IL33: variants seen among roughly 807,000 people sequenced by gnomAD.
IL33 encodes interleukin 33, also known as interleukin-33.
A neutral mutation model predicts 27.3 loss-of-function variants in IL33; 37 were observed. The ratio of observed to expected loss-of-function variants is 1.36; its 90% CI spans 1.04 to 1.78. The LOEUF (loss-of-function observed/expected upper bound fraction) is 1.78. Ranked by LOEUF, IL33 falls within the 40% of genes most tolerant of loss-of-function variation. The probability of loss-of-function intolerance (pLI) is 0.00; values close to 1 mark genes in which losing one functional copy is unlikely to be tolerated. For missense variants in IL33, 406 were observed against 311.4 expected (o/e 1.30, Z -2.29); for synonymous variants, 132 against 102.9 (o/e 1.28, Z -1.71).
At chr9:6,215,316 G>A (rs373368517), upstream of IL33, among the ~76,000 whole-genome samples, 1 of 152,194 alleles carries the variant, frequency 6.6e-6, no homozygotes, top group East Asian at 1.9e-4. Flanking sequence ...ACAGTGGGGA[G>A]CAGGAAAGCC....
chr9:6,237,576 T>C (rs1260010190), intron 1 of IL33, among the ~76,000 whole-genome samples: 1 of 152,176 alleles, frequency 6.6e-6, no homozygotes, highest in Non-Finnish European at 1.5e-5. Context: ...AGAAAAAGGT[T>C]ATGAGATCAA....
intron 5 of IL33, 63 bp downstream of exon 5, chr9:6,253,054 A>T: frequency 9.0e-7 from 1 of 1,115,288 alleles, no homozygotes; most frequent in Non-Finnish European, 1.3e-6. Context: ...ACATTTTAAT[A>T]AATCTACCAA....
chr9:6,219,920 C>T (rs1211754608), intron 1 of IL33, among the ~76,000 whole-genome samples: 1 of 152,050 alleles, frequency 6.6e-6, no homozygotes, highest in Non-Finnish European at 1.5e-5. Flanking sequence ...GGGTCAGGTC[C>T]CATTAAGAAA....
At chr9:6,238,805 A>G (rs1819372712) in intron 1 of IL33, among the ~76,000 whole-genome samples, 1 of 152,220 alleles carries the variant, frequency 6.6e-6, no homozygotes, top group Non-Finnish European at 1.5e-5. Flanking sequence ...AGACTGGAGA[A>G]GAAGTCCTGC....
intron 1 of IL33, among the ~76,000 whole-genome samples, chr9:6,232,771 C>A (rs1175526568): frequency 6.6e-6 from 1 of 152,154 alleles, no homozygotes; most frequent in Non-Finnish European, 1.5e-5. Flanking sequence ...GCTGCTGTCA[C>A]CCTTGGTGAT....
At chr9:6,255,809 C>T (rs1816691688) in intron 7 of IL33, among the ~76,000 whole-genome samples, 159 bp from the exon 8 acceptor site, 1 of 152,068 alleles carries the variant, frequency 6.6e-6, no homozygotes, top group South Asian at 2.1e-4. Context: ...TGGCCCTCTA[C>T]TCACTTCTCC....
intron 2 of IL33, among the ~76,000 whole-genome samples, chr9:6,245,115 C>T (rs920150622): frequency 6.6e-6 from 1 of 152,144 alleles, no homozygotes; most frequent in Non-Finnish European, 1.5e-5. Context: ...AACACTTTCT[C>T]TTCCCTAAAA....
chr9:6,236,729 G>T (rs148800689), intron 1 of IL33, among the ~76,000 whole-genome samples: 1 of 152,114 alleles, frequency 6.6e-6, no homozygotes, highest in African/African-American at 2.4e-5. Flanking sequence ...AATTGGCCAG[G>T]TGTGGTGGCA....
At chr9:6,248,644 A>T (rs148705335) in intron 2 of IL33, among the ~76,000 whole-genome samples, 3,089 of 152,016 alleles carry the variant, frequency 0.02, 110 homozygotes, top group African/African-American at 0.07. Flanking sequence ...GCATGATTAT[A>T]GCTCACTACA....
At chr9:6,252,052 C>CA (rs1311401521) in intron 4 of IL33, among the ~76,000 whole-genome samples, 39 of 36,212 alleles carry the variant, frequency 1.1e-3, no homozygotes, top group African/African-American at 3.0e-3. Context: ...AACAAACAAA[C>CA]AAACAAAAAA....
intron 1 of IL33, among the ~76,000 whole-genome samples, chr9:6,223,208 T>C (rs1350356097): frequency 6.6e-6 from 1 of 152,150 alleles, no homozygotes; most frequent in Non-Finnish European, 1.5e-5. Flanking sequence ...TTGTCACTAT[T>C]TGTCCCACAA....
chr9:6,247,196 C>T (rs569203235), intron 2 of IL33, among the ~76,000 whole-genome samples: 12 of 152,236 alleles, frequency 7.9e-5, no homozygotes, highest in Admixed American at 1.3e-4. Flanking sequence ...AGTCAAAACC[C>T]TGAGGAAAAC....
intron 1 of IL33, among the ~76,000 whole-genome samples, chr9:6,224,640 T>C (rs2051865823): frequency 6.6e-6 from 1 of 152,250 alleles, no homozygotes; most frequent in Non-Finnish European, 1.5e-5. Context: ...GATTGTATTG[T>C]TGCCAATTTC....
rs1262443864 is a variant in IL33 at position 6,253,056 on chromosome 9, A to G, written c.469+65A>G. 1.6e-5 allele frequency: 18 copies of G among 1,115,054 alleles called. No individual in the cohort carries two copies. In the Admixed American group the frequency reaches 4.5e-4, roughly 28 times the overall value. 69.1% of individuals were successfully genotyped at this position (1,115,054 alleles called of 1,614,324 possible). A position where few individuals can be genotyped will look rare whatever the true frequency, so the allele number is the denominator to read the frequency against. ...TAATAAAAGTAAAACATTTTAATAAATCTACCAAACTTTAAACAATGGATT... is the reference window on the plus strand; with the variant it reads ...TAATAAAAGTAAAACATTTTAATAAGTCTACCAAACTTTAAACAATGGATT... On this transcript the variant is annotated intron_variant, in intron 5 of 7. Coordinates refer to ENST00000682010, the MANE Select transcript of IL33 (RefSeq NM_033439.4).
At chr9:6,245,955 T>G (rs150218879) in intron 2 of IL33, among the ~76,000 whole-genome samples, 1 of 147,200 alleles carries the variant, frequency 6.8e-6, no homozygotes, top group African/African-American at 2.5e-5. Flanking sequence ...CCCAGCCACT[T>G]GGGAGGCTGA....
At chr9:6,248,872 C>G (rs902355478) in intron 2 of IL33, among the ~76,000 whole-genome samples, 17 of 152,134 alleles carry the variant, frequency 1.1e-4, no homozygotes, top group Non-Finnish European at 2.2e-4. Flanking sequence ...AGCCACAGCA[C>G]CTGGCCAACA....
At chr9:6,233,989 T>C (rs1819054562) in intron 1 of IL33, among the ~76,000 whole-genome samples, 1 of 152,248 alleles carries the variant, frequency 6.6e-6, no homozygotes, top group South Asian at 2.1e-4. Context: ...TCTATAGTAC[T>C]CATTACCAAC....
chr9:6,238,720 G>A (rs1386058746), intron 1 of IL33, among the ~76,000 whole-genome samples: 2 of 152,088 alleles, frequency 1.3e-5, no homozygotes, highest in African/African-American at 2.4e-5. Context: ...TTGTAGTGTG[G>A]CAAAACAGGA....
chr9:6,223,311 T>C (rs1039648965), intron 1 of IL33, among the ~76,000 whole-genome samples: 2 of 152,044 alleles, frequency 1.3e-5, no homozygotes, highest in Non-Finnish European at 2.9e-5. Context: ...TGAACGTAAC[T>C]GATGTTTTAC....
Sources: allele counts gnomAD v4.1 joint callset (sites outside exome capture counted in the v4.1 genomes callset), GRCh38; gene constraint gnomAD v4.1.1; transcripts MANE v1.5; gene names NCBI Gene and HGNC (gene_info 2026-07-23, HGNC 2026-07-21).